Variants in FBXO42 observed in about 807,000 individuals in gnomAD.
FBXO42 encodes F-box protein 42.
A neutral mutation model predicts 71.7 loss-of-function variants in FBXO42; 12 were observed. That is an observed-to-expected ratio of 0.17 (90% confidence interval 0.11 to 0.27). The LOEUF (loss-of-function observed/expected upper bound fraction) is 0.27, where lower values mean the gene tolerates loss of function less well. Ranked by LOEUF, FBXO42 falls within the 10% of genes least tolerant of loss-of-function variation. FBXO42 has a pLI of 1.00. For synonymous variants in FBXO42, 325 were observed against 327.5 expected, an observed-to-expected ratio of 0.99 and a Z score of 0.08; for missense variants, 707 against 911.9, an observed-to-expected ratio of 0.78 and a Z score of 2.89.
intron 2 of FBXO42, among the ~76,000 whole-genome samples, chr1:16,311,144 C>T (rs1557596677): frequency 7.7e-6 from 1 of 130,472 alleles, no homozygotes; most frequent in Non-Finnish European, 1.7e-5. Context: ...CGCCCCTGCA[C>T]TCCAGCCTGG....
At chr1:16,330,681 C>T (rs755809161) in intron 1 of FBXO42, among the ~76,000 whole-genome samples, 11 of 152,106 alleles carry the variant, frequency 7.2e-5, no homozygotes, top group Admixed American at 2.0e-4. Flanking sequence ...GTGGCTCACG[C>T]CTGTAATCTC....
In FBXO42 at chr1:16,352,440, G is replaced by C. The variant is rs2082712254; in HGVS notation, c.-203C>G. On this transcript the variant is annotated 5_prime_UTR_variant, in exon 1 of 10. Transcript: ENST00000375592. The stretch of plus-strand genomic sequence containing the variant: ...CTTCCTCCACTCAAACGCCGCCGCC[G>C]CCGCAGCTGCTGCTGCTCAGGCCGG... 2.0e-5 allele frequency: 8 copies of C among 398,788 alleles called. No individual in the cohort carries two copies. The East Asian group carries it at 2.8e-4, about 14-fold the overall frequency. 24.7% of individuals were successfully genotyped at this position (398,788 alleles called of 1,614,324 possible).
At chr1:16,298,232 C>G (rs1259184678) in intron 3 of FBXO42, among the ~76,000 whole-genome samples, 3 of 151,830 alleles carry the variant, frequency 2.0e-5, no homozygotes, top group Non-Finnish European at 4.4e-5. Context: ...TCTCAAAAAA[C>G]AAAAACAAAA....
intron 4 of FBXO42, among the ~76,000 whole-genome samples, chr1:16,284,302 G>A (rs1467453163): frequency 2.0e-5 from 3 of 152,132 alleles, no homozygotes; most frequent in Non-Finnish European, 4.4e-5. Flanking sequence ...GATCAATAGA[G>A]AACTTCCACC....
intron 1 of FBXO42, among the ~76,000 whole-genome samples, chr1:16,327,324 A>G (rs2082459937): frequency 6.6e-6 from 1 of 152,230 alleles, no homozygotes; most frequent in Admixed American, 6.6e-5. Context: ...CTTAGTTGGG[A>G]GTAGAGCATA....
chr1:16,340,564 C>A (rs977228823), intron 1 of FBXO42, among the ~76,000 whole-genome samples: 1 of 152,124 alleles, frequency 6.6e-6, no homozygotes, highest in Non-Finnish European at 1.5e-5. Flanking sequence ...AGTGATCCAC[C>A]CACCTTGGCC....
At chr1:16,303,540 A>T (rs1484508703) in intron 3 of FBXO42, among the ~76,000 whole-genome samples, 10 of 152,088 alleles carry the variant, frequency 6.6e-5, no homozygotes, top group Middle Eastern at 3.4e-3. Flanking sequence ...CCAGGTTCAC[A>T]TGAAGAGAGA....
intron 1 of FBXO42, among the ~76,000 whole-genome samples, chr1:16,328,343 A>G (rs945819093): frequency 3.3e-5 from 5 of 152,236 alleles, no homozygotes; most frequent in African/African-American, 1.2e-4. Context: ...GAAACTTCAT[A>G]TAAGCACTAG....
chr1:16,319,036 T>C (rs986110250), intron 1 of FBXO42, among the ~76,000 whole-genome samples: 3 of 152,154 alleles, frequency 2.0e-5, no homozygotes, highest in Non-Finnish European at 4.4e-5. Context: ...CTCCACACAC[T>C]CTACCCAGAC....
chr1:16,256,487 G>GA, intron 5 of FBXO42, 119 bp downstream of exon 5: 2 of 1,100,348 alleles, frequency 1.8e-6, no homozygotes, highest in Non-Finnish European at 2.6e-6. Context: ...CCCCTCCTGG[G>GA]AAAAGAGTCC....
chr1:16,267,929 A>G (rs1483249515), intron 4 of FBXO42, among the ~76,000 whole-genome samples: 1 of 152,226 alleles, frequency 6.6e-6, no homozygotes, highest in Non-Finnish European at 1.5e-5. Flanking sequence ...CATTGTTTTC[A>G]CTTCTTAACA....
intron 3 of FBXO42, among the ~76,000 whole-genome samples, chr1:16,300,460 G>A (rs188704536): frequency 2.0e-4 from 30 of 152,290 alleles, no homozygotes; most frequent in Admixed American, 8.5e-4. Flanking sequence ...TTTCCATGGT[G>A]TATGGAGCAT....
chr1:16,276,631 A>G (rs1387268849), intron 4 of FBXO42, among the ~76,000 whole-genome samples: 2 of 152,254 alleles, frequency 1.3e-5, no homozygotes, highest in Admixed American at 1.3e-4. Flanking sequence ...TTTAGGACAT[A>G]AAGTTAATCT....
chr1:16,315,286 T>C lies in FBXO42; in HGVS notation c.133A>G (p.Arg45Gly). Residue 45 changes from arginine to glycine, a missense_variant, in exon 2 of 10, where the codon AGG becomes GGG. Physicochemically the swap from Arg to Gly is moderately radical, Grantham distance 125. Coordinates refer to ENST00000375592, the MANE Select transcript of FBXO42 (RefSeq NM_018994.3). ...TCTTCTGGCAGCTCCGACATGGACC[T>C]ATTATGTCTAGTCTCCTCAGCCTCC... ...VLEAEETRHN[R>G]SMSELPEEVL... 6.2e-7 allele frequency: 1 copy of C among 1,614,158 alleles called. No individual in the cohort carries two copies. Among genetic ancestry groups the C allele is most frequent in the Non-Finnish European group, 8.5e-7 (1 of 1,180,026 alleles).
At chr1:16,300,242 G>C (rs2082177048) in intron 3 of FBXO42, among the ~76,000 whole-genome samples, 1 of 152,164 alleles carries the variant, frequency 6.6e-6, no homozygotes, top group Non-Finnish European at 1.5e-5. Flanking sequence ...AAATAATACT[G>C]AGAGTGTCTA....
chr1:16,316,640 CAGG>C (rs899146032), intron 1 of FBXO42, among the ~76,000 whole-genome samples: 4 of 144,160 alleles, frequency 2.8e-5, no homozygotes, highest in African/African-American at 1.0e-4. Context: ...GAGGCTGAGG[CAGG>C]AGAACTGCTT....
intron 4 of FBXO42, among the ~76,000 whole-genome samples, chr1:16,266,724 G>T (rs1280996094): frequency 6.6e-6 from 1 of 152,170 alleles, no homozygotes; most frequent in Non-Finnish European, 1.5e-5. Context: ...CTCTGACTAA[G>T]CATCTGGCTT....
rs569071317 is a variant in FBXO42, at chr1:16,303,651, TC to T, written c.367+2151del. 7.0e-3 allele frequency among the ~76,000 whole-genome samples: 1,056 copies of T among 151,834 alleles called. 9 individuals are homozygous for T. Among genetic ancestry groups the T allele is most frequent in the Non-Finnish European group, 9.5e-3 (643 of 67,948 alleles). On this transcript the variant is annotated intron_variant, in intron 3 of 9. Coordinates refer to ENST00000375592, the MANE Select transcript of FBXO42 (RefSeq NM_018994.3). ...GGCATGATCTCGACTCACTGCAACC[TC>T]CGCCTCCCGGGTTCAAGTGATTCTC...
chr1:16,328,542 A>C (rs536042521), intron 1 of FBXO42, among the ~76,000 whole-genome samples: 15 of 152,322 alleles, frequency 9.8e-5, no homozygotes, highest in Non-Finnish European at 2.9e-5. Context: ...AATGGATTAG[A>C]GTGGGAGACA....
Sources: gnomAD v4.1 joint callset for allele counts (sites outside exome capture counted in the v4.1 genomes callset) on GRCh38, gnomAD v4.1.1 for gene constraint, MANE v1.5 for transcripts, NCBI Gene and HGNC (gene_info 2026-07-23, HGNC 2026-07-21) for gene names.